The following KIAA0408 variants were observed in gnomAD, a reference collection of about 807,000 sequenced individuals.
KIAA0408 encodes the protein KIAA0408, also known as uncharacterized protein KIAA0408.
Under a neutral mutation model 60.9 loss-of-function variants are expected in KIAA0408, and 51 were observed. The ratio of observed to expected loss-of-function variants is 0.84; its 90% CI spans 0.67 to 1.06. The LOEUF is 1.06. KIAA0408 is among the 50% of genes least tolerant of loss of function. The pLI, the probability that KIAA0408 is intolerant of heterozygous loss-of-function variation, is 0.00. For synonymous variants in KIAA0408, 304 were observed against 282.4 expected (o/e 1.08, Z -0.77); for missense variants, 787 against 833.9 (o/e 0.94, Z 0.69).
Position 127,446,755 on chromosome 6 carries a change from T to C in KIAA0408, c.1564A>G (p.Arg522Gly), listed in dbSNP as rs1243227498. ...GGACTTAGGTGTCCCTGCATTTGTC[T>C]TACTAGGCCTGTTGTGGATTTCTTG... is the stretch of plus-strand genomic sequence containing the variant. ...PTKKSTTGLV[R>G]QMQGHLSPRS... The change falls in exon 5 of 6, where the codon AGA becomes GGA. Residue 522 changes from arginine (R) to glycine (G), a missense_variant. Arg to Gly is a moderately radical substitution (Grantham distance 125). Transcript: ENST00000483725. 3 of 1,613,886 alleles carry C rather than the reference T, an allele frequency of 1.9e-6. No individual in the cohort carries two copies. The highest frequency in any genetic ancestry group is 3.3e-5 in the Admixed American group (2 of 59,960).
chr6:127,447,503 GCTT>G lies in KIAA0408; in HGVS notation c.813_815del (p.Arg271del), dbSNP rs1773222907. ...CCGAGCTGGGAAAATTTCGAGAGGTGCTTCTTGGAGGAGGAACTGGTGGAGTTT... is the reference window on the plus strand; with the variant it reads ...CCGAGCTGGGAAAATTTCGAGAGGTGCTTGGAGGAGGAACTGGTGGAGTTT... On this transcript the variant is annotated inframe_deletion, in exon 5 of 6. Transcript: ENST00000483725. The G allele has an allele frequency of 6.2e-7, 1 of 1,612,210 alleles. No homozygotes were observed. The highest frequency in any genetic ancestry group is 1.3e-5 in the African/African-American group (1 of 74,726).
At position 127,447,665 on chromosome 6, in the gene KIAA0408, AT is replaced by A; in HGVS notation, c.653del (p.Asn218MetfsTer10). 6.2e-7 allele frequency: 1 copy of A among 1,600,632 alleles called. No individual in the cohort carries two copies. The highest frequency in any genetic ancestry group is 2.2e-5 in the East Asian group (1 of 44,834). On this transcript the variant is annotated frameshift_variant, in exon 5 of 6. Transcript: ENST00000483725. LOFTEE classifies it high-confidence loss of function. ...AACTGATTGGAAGAATGCACTGGTC[AT>A]TGTTGATCATGGGGTCCCCATGAGG... ...NIPHGDPMIN[N>X]DQCILPISLE...
At position 127,454,023 on chromosome 6, in the gene KIAA0408, C is replaced by T. The variant is rs773384005; in HGVS notation, c.-42G>A. ...TCAGCAAAGAAGTGTTTCTGCTCTT[C>T]TCTGCCTCCTCTTAACTGTTTCTTG... On this transcript the variant is annotated 5_prime_UTR_variant, in exon 2 of 6. Transcript: ENST00000483725. The T allele has an allele frequency of 1.3e-6, 2 of 1,576,554 alleles. No individual in the cohort carries two copies. Among genetic ancestry groups the T allele is most frequent in the South Asian group, 2.4e-5 (2 of 82,982 alleles).
rs774309372 is a variant in KIAA0408 at position 127,450,190 on chromosome 6, CATCTTTGTGA to C, written c.288_297del (p.Asn96LysfsTer3). On this transcript the variant is annotated frameshift_variant, in exon 3 of 6. Transcript: ENST00000483725. LOFTEE classifies it high-confidence loss of function. ...TCTCTTTTATTTTCTTTTCTCAGAC[CATCTTTGTGA>C]TTCGTCCTTATAAATTCACTTTGTC... 7 of 1,613,974 alleles carry C rather than the reference CATCTTTGTGA, an allele frequency of 4.3e-6. No individual in the cohort carries two copies. The South Asian group carries it at 7.7e-5, about 18-fold the overall frequency.
In KIAA0408 at chr6:127,446,454, C is replaced by A; in HGVS notation, c.1865G>T (p.Gly622Val). Residue 622 changes from glycine (G) to valine (V), a missense_variant, in exon 5 of 6, where the codon GGG (glycine) becomes GTG (valine). Physicochemically the swap from Gly to Val is moderately radical, Grantham distance 109. This residue lies in a region of KIAA0408 where 133 missense variants were observed against 119.2 expected (regional missense o/e 1.12). Coordinates refer to ENST00000483725, the MANE Select transcript of KIAA0408 (RefSeq NM_014702.5). ...TATTCCTTGCTTCACTTCCTGTCCC[C>A]CCCACACAGCTGTCTTTTGCTGAAA... The part of the protein sequence containing the change: ...QQFQQKTAVW[G>V]GQEVKQGIDP... 1 of 1,613,682 alleles carries A rather than the reference C, an allele frequency of 6.2e-7. No homozygotes were observed. The highest frequency in any genetic ancestry group is 8.5e-7 in the Non-Finnish European group (1 of 1,179,642).
chr6:127,447,417 T>C lies in KIAA0408; in HGVS notation c.902A>G (p.His301Arg). The C allele has an allele frequency of 6.2e-7, 1 of 1,613,840 alleles. No homozygotes were observed. Residue 301 changes from histidine (H) to arginine (R), a missense_variant, in exon 5 of 6, where the codon CAT becomes CGT. His to Arg is a conservative substitution (Grantham distance 29). Coordinates refer to ENST00000483725, the MANE Select transcript of KIAA0408 (RefSeq NM_014702.5). ...GTAATTCCTTTTACTTCGACCCTCA[T>C]GGGGCACCCAGCTGTTGTGGTCTAA... Reference protein sequence around the residue: ...ERLDHNSWVPHEGRSKRNYNP... With the variant: ...ERLDHNSWVPREGRSKRNYNP...
intron 1 of KIAA0408, among the ~76,000 whole-genome samples, chr6:127,456,774 T>C (rs1773401660): frequency 1.1e-5 from 1 of 94,834 alleles, no homozygotes; most frequent in African/African-American, 4.1e-5. Flanking sequence ...CACCTCTAAA[T>C]ATAAAGTGGT....
rs1353263377 is a variant in KIAA0408, at chr6:127,441,593, G to A, written c.*2516C>T. On this transcript the variant is annotated 3_prime_UTR_variant, in exon 6 of 6. Coordinates refer to ENST00000483725, the MANE Select transcript of KIAA0408 (RefSeq NM_014702.5). ...TTTTAAATCAAATATTTCCAGAAAT[G>A]CTTACAAGTCCCTTTAAATCTAGCA... is the stretch of plus-strand genomic sequence containing the variant. The A allele has an allele frequency of 6.6e-6, 1 of 152,076 alleles. No individual in the cohort carries two copies. Among genetic ancestry groups the A allele is most frequent in the Non-Finnish European group, 1.5e-5 (1 of 68,010 alleles). The allele number at this position is 152,076 out of a possible 1,614,324, so 9.4% of individuals were successfully genotyped here.
rs571565121 is a variant in KIAA0408 at position 127,456,340 on chromosome 6, T to C, written c.-120-2239A>G. Among the ~76,000 whole-genome samples the C allele has an allele frequency of 2.4e-4, 37 of 152,304 alleles. No homozygotes were observed. The South Asian group carries it at 7.2e-3, about 30-fold the overall frequency. On this transcript the variant is annotated intron_variant, in intron 1 of 5. Transcript: ENST00000483725. ...GTAGCAAATGGCTCCAATTTTTCCT[T>C]CTATTCCTAACTCTTCTTGAATCGC...
rs1562369538 is a variant in KIAA0408 at position 127,446,869 on chromosome 6, T to C, written c.1450A>G (p.Ser484Gly). The C allele has an allele frequency of 1.2e-6, 2 of 1,613,886 alleles. No individual in the cohort carries two copies. Among genetic ancestry groups the C allele is most frequent in the Non-Finnish European group, 8.5e-7 (1 of 1,179,948 alleles). Reference protein sequence around the residue: ...PCDTSSTHTGSISQSNDVSGI... With the variant: ...PCDTSSTHTGGISQSNDVSGI... ...GACACATCGTTACTTTGTGATATGC[T>C]ACCTGTGTGAGTAGATGAGGTATCA... The change falls in exon 5 of 6, where the codon AGC (serine) becomes GGC (glycine). Residue 484 changes from serine to glycine, a missense_variant. Physicochemically the swap from Ser to Gly is moderately conservative, Grantham distance 56. Coordinates refer to ENST00000483725, the MANE Select transcript of KIAA0408 (RefSeq NM_014702.5).
intron 2 of KIAA0408, among the ~76,000 whole-genome samples, chr6:127,452,606 G>A (rs1314737864): frequency 2.0e-5 from 3 of 152,096 alleles, no homozygotes; most frequent in Non-Finnish European, 4.4e-5. Flanking sequence ...TTAAAAAATT[G>A]GCTAGACTAA....
At position 127,443,236 on chromosome 6, in the gene KIAA0408, T is replaced by C. The variant is rs1210467598; in HGVS notation, c.*873A>G. The C allele has an allele frequency of 6.6e-6, 1 of 152,190 alleles. No individual in the cohort carries two copies. Among genetic ancestry groups the C allele is most frequent in the Non-Finnish European group, 1.5e-5 (1 of 68,012 alleles). 9.4% of individuals were successfully genotyped at this position (152,190 alleles called of 1,614,324 possible). A position where few individuals can be genotyped will look rare whatever the true frequency, so the allele number is the denominator to read the frequency against. ...AAATTCAACATCATTCAGTTTCTTT[T>C]TGCATCCCATTTAGGAAATGTTTGT... On this transcript the variant is annotated 3_prime_UTR_variant, in exon 6 of 6. Coordinates refer to ENST00000483725, the MANE Select transcript of KIAA0408 (RefSeq NM_014702.5).
In KIAA0408 at chr6:127,447,487, G is replaced by A. The variant is rs150477792; in HGVS notation, c.832C>T (p.Pro278Ser). Residue 278 changes from proline (P) to serine (S), a missense_variant, in exon 5 of 6, where the codon CCC becomes TCC. Pro to Ser is a moderately conservative substitution (Grantham distance 74). This residue lies in a region of KIAA0408 where 640 missense variants were observed against 681.3 expected (regional missense o/e 0.94). Transcript: ENST00000483725. Reference sequence around the variant, plus strand: ...TAGGCTTGTTCAGAATCCGAGCTGGGAAAATTTCGAGAGGTGCTTCTTGGA... The same window carrying A: ...TAGGCTTGTTCAGAATCCGAGCTGGAAAAATTTCGAGAGGTGCTTCTTGGA... ...PPPRSTSRNF[P>S]SSDSEQAYER... 1,177 of 1,613,700 alleles carry A rather than the reference G, an allele frequency of 7.3e-4. 10 individuals carry two copies. In the Middle Eastern group the frequency reaches 0.019, roughly 26 times the overall value.
rs755470704 is a variant in KIAA0408 at position 127,443,825 on chromosome 6, A to G, written c.*284T>C. 3.0e-6 allele frequency: 1 copy of G among 338,484 alleles called. No homozygotes were observed. The highest frequency in any genetic ancestry group is 5.5e-6 in the Non-Finnish European group (1 of 182,688). 21.0% of individuals were successfully genotyped at this position (338,484 alleles called of 1,614,324 possible). A position where few individuals can be genotyped will look rare whatever the true frequency, so the allele number is the denominator to read the frequency against. ...CCTACAAACACATGGCCATGCACAT[A>G]ACCTTACTTTCTGCCACTTGCAACA... is the stretch of plus-strand genomic sequence containing the variant. On this transcript the variant is annotated 3_prime_UTR_variant, in exon 6 of 6. Coordinates refer to ENST00000483725, the MANE Select transcript of KIAA0408 (RefSeq NM_014702.5).
chr6:127,444,123 C>G lies in KIAA0408; in HGVS notation c.2071G>C (p.Ala691Pro). Residue 691 changes from alanine (A) to proline (P), a missense_variant, in exon 6 of 6, where the codon GCA becomes CCA. Around this residue, in one of 3 missense-constraint regions of KIAA0408, gnomAD observed 133 missense variants for 119.2 expected, o/e 1.12. Transcript: ENST00000483725. ...AGGCCAAAGACTTAAACCATCAATG[C>G]TTCGGATCGCAGAGAAATGGTATAG... is the stretch of plus-strand genomic sequence containing the variant. ...HNYTISLRSEALMV is the reference protein window; with the variant it reads ...HNYTISLRSEPLMV 1.9e-6 allele frequency: 3 copies of G among 1,613,966 alleles called. No homozygotes were observed. The highest frequency in any genetic ancestry group is 2.5e-6 in the Non-Finnish European group (3 of 1,179,946).
chr6:127,450,447 G>T (rs1773283049), intron 2 of KIAA0408, 95 bp from the exon 3 acceptor site: 1 of 1,442,598 alleles, frequency 6.9e-7, no homozygotes, highest in East Asian at 2.4e-5. Flanking sequence ...AGTTCTCTTT[G>T]CCATATTAAA....
intron 1 of KIAA0408, among the ~76,000 whole-genome samples, chr6:127,458,899 G>T (rs976118353): frequency 7.9e-5 from 12 of 152,206 alleles, no homozygotes; most frequent in African/African-American, 2.4e-4. Context: ...GAGAAGCAGT[G>T]TTGGAAAAAC....
rs1773151061 is a variant in KIAA0408 at position 127,444,247 on chromosome 6, T to A, written c.1947A>T (p.Gly649=). The change falls in exon 6 of 6, where the codon GGA becomes GGT. Residue 649 remains glycine, a synonymous_variant. Coordinates refer to ENST00000483725, the MANE Select transcript of KIAA0408 (RefSeq NM_014702.5). ...TTGCTGGTCTAGCAGGTCGGGAAAA[T>A]CCTTTTCCATGTGAGGCGTTCACTG... is the stretch of plus-strand genomic sequence containing the variant. ...SMSVNASHGK[G]FSRPARPANR... 6.2e-7 allele frequency: 1 copy of A among 1,606,746 alleles called. No homozygotes were observed. The highest frequency in any genetic ancestry group is 1.3e-5 in the African/African-American group (1 of 74,548).
Position 127,447,367 on chromosome 6 carries a change from GT to G in KIAA0408, c.951del (p.Gln317HisfsTer30). The G allele has an allele frequency of 6.2e-7, 1 of 1,612,242 alleles. No homozygotes were observed. The highest frequency in any genetic ancestry group is 8.5e-7 in the Non-Finnish European group (1 of 1,179,454). On this transcript the variant is annotated frameshift_variant, in exon 5 of 6. Coordinates refer to ENST00000483725, the MANE Select transcript of KIAA0408 (RefSeq NM_014702.5). LOFTEE classifies it high-confidence loss of function. ...RNYNPHFPLR[Q>X]QEMSMLYPNE... Reference sequence around the variant, plus strand: ...TTTGGATACAACATAGACATCTCTTGTTGTCTCAAAGGGAAGTGAGGGTTGT... The same window carrying G: ...TTTGGATACAACATAGACATCTCTTGTGTCTCAAAGGGAAGTGAGGGTTGT...
Sources: allele counts gnomAD v4.1 joint callset (sites outside exome capture counted in the v4.1 genomes callset), GRCh38; gene constraint gnomAD v4.1.1; regional missense constraint gnomAD v4.1.1; transcripts MANE v1.5; gene names NCBI Gene and HGNC (gene_info 2026-07-23, HGNC 2026-07-21).